Variants in NPAS3 observed in about 807,000 individuals in gnomAD.
NPAS3 encodes neuronal PAS domain-containing protein 3.
A neutral mutation model predicts 73.1 loss-of-function variants in NPAS3; 14 were observed. The observed-to-expected ratio is 0.19, with a 90% CI of 0.13 to 0.30. The LOEUF (loss-of-function observed/expected upper bound fraction) is 0.30. Among genes scored for constraint, NPAS3 ranks in the 10% least tolerant of loss-of-function variants. NPAS3 has a pLI of 1.00. For synonymous variants in NPAS3, 620 were observed against 541.5 expected, an observed-to-expected ratio of 1.14 and a Z score of -2.01; for missense variants, 1,096 against 1,250.0, an observed-to-expected ratio of 0.88 and a Z score of 1.86.
chr14:33,047,388 G>A (rs998843896), intron 1 of NPAS3, among the ~76,000 whole-genome samples: 2 of 152,084 alleles, frequency 1.3e-5, no homozygotes, highest in Non-Finnish European at 2.9e-5. Context: ...TCCTCCTCAG[G>A]ACAGGAGCTG....
In NPAS3 at chr14:33,659,348, T is replaced by C. The variant is rs749336608; in HGVS notation, c.559-16863T>C. Among the ~76,000 whole-genome samples, 27 of 152,070 alleles carry C rather than the reference T, an allele frequency of 1.8e-4. 1 individual carries two copies. Among genetic ancestry groups the C allele is most frequent in the Non-Finnish European group, 3.2e-4 (22 of 68,014 alleles). On this transcript the variant is annotated intron_variant, in intron 5 of 11. Coordinates refer to ENST00000356141, the Ensembl canonical transcript of NPAS3. ...ATTCCCAAGCCATTTGCCTCTAGAG[T>C]CTACGTTAATGACCAGTGCCTTCTA...
At chr14:33,418,103 CA>C (rs1387703540) in intron 4 of NPAS3, among the ~76,000 whole-genome samples, 1 of 151,460 alleles carries the variant, frequency 6.6e-6, no homozygotes, top group Non-Finnish European at 1.5e-5. Flanking sequence ...TAAGATGAAC[CA>C]AGGAAGCTGA....
chr14:32,951,795 A>G lies in NPAS3; in HGVS notation c.50+12429A>G, dbSNP rs556254799. On this transcript the variant is annotated intron_variant, in intron 1 of 11. Transcript: ENST00000356141. Reference sequence around the variant, plus strand: ...AATAAATTTCTGTAGTGAGATAGTTACCCAAACTACAACAGTTATTTATTT... The same window carrying G: ...AATAAATTTCTGTAGTGAGATAGTTGCCCAAACTACAACAGTTATTTATTT... Among the ~76,000 whole-genome samples the G allele has an allele frequency of 8.5e-4, 130 of 152,232 alleles. 1 individual carries two copies. The highest frequency in any genetic ancestry group is 2.9e-3 in the African/African-American group (122 of 41,570).
intron 5 of NPAS3, among the ~76,000 whole-genome samples, chr14:33,591,652 G>A (rs1048320800): frequency 6.6e-6 from 1 of 152,146 alleles, no homozygotes; most frequent in African/African-American, 2.4e-5. Flanking sequence ...GAAACCATGT[G>A]TAGGAAATTT....
chr14:33,440,589 G>A (rs17579923), intron 4 of NPAS3, among the ~76,000 whole-genome samples: 12,393 of 152,136 alleles, frequency 0.081, 606 homozygotes, highest in Non-Finnish European at 0.1. Flanking sequence ...ACTCCAAGGG[G>A]ACAGGAAATA....
intron 1 of NPAS3, among the ~76,000 whole-genome samples, chr14:33,009,473 G>C (rs997722243): frequency 6.6e-6 from 1 of 152,150 alleles, no homozygotes; most frequent in African/African-American, 2.4e-5. Flanking sequence ...GTGAGGCAGA[G>C]AGCATCTTTA....
chr14:33,270,862 C>T (rs2041043291), intron 3 of NPAS3, among the ~76,000 whole-genome samples: 3 of 152,132 alleles, frequency 2.0e-5, no homozygotes, highest in Admixed American at 2.0e-4. Context: ...GGATGGATGG[C>T]AGGCAGAAGA....
chr14:33,445,183 C>T (rs976814550), intron 4 of NPAS3, among the ~76,000 whole-genome samples: 3 of 152,188 alleles, frequency 2.0e-5, no homozygotes, highest in South Asian at 2.1e-4. Flanking sequence ...TGAGTCACAT[C>T]GCTCTGAGTT....
intron 4 of NPAS3, among the ~76,000 whole-genome samples, chr14:33,383,239 T>C (rs1200425676): frequency 2.0e-5 from 3 of 152,214 alleles, no homozygotes; most frequent in East Asian, 3.8e-4. Flanking sequence ...TGTCATGTCT[T>C]GTTCATCTTC....
At chr14:33,789,964 T>C (rs2063309032) in intron 9 of NPAS3, among the ~76,000 whole-genome samples, 1 of 152,142 alleles carries the variant, frequency 6.6e-6, no homozygotes, top group Admixed American at 6.5e-5. Flanking sequence ...ACACACAGGT[T>C]GCTCAGCCCA....
At chr14:32,936,784 T>G (rs1200327819), upstream of NPAS3, among the ~76,000 whole-genome samples, 1 of 152,166 alleles carries the variant, frequency 6.6e-6, no homozygotes, top group Non-Finnish European at 1.5e-5. Flanking sequence ...CAGAGAGAAT[T>G]TTCCCTCAAG....
At chr14:33,647,965 A>C (rs184224556) in intron 5 of NPAS3, among the ~76,000 whole-genome samples, 81 of 152,256 alleles carry the variant, frequency 5.3e-4, no homozygotes, top group Non-Finnish European at 1.0e-3. Flanking sequence ...CTTCATAACA[A>C]AGATGGATTT....
At position 33,674,381 on chromosome 14, in the gene NPAS3, CGA is replaced by C. The variant is rs1335329302; in HGVS notation, c.559-1826_559-1825del. Among the ~76,000 whole-genome samples the C allele has an allele frequency of 7.2e-5, 11 of 152,280 alleles. No homozygotes were observed. The East Asian group carries it at 1.2e-3, about 16-fold the overall frequency. On this transcript the variant is annotated intron_variant, in intron 5 of 11. Transcript: ENST00000356141. ...TGCTACAATTGGACTCCATGCAAAA[CGA>C]GAGTGACTTCCTCATATTCACTAAT...
At chr14:33,183,411 G>A (rs1401058059) in intron 2 of NPAS3, among the ~76,000 whole-genome samples, 1 of 134,348 alleles carries the variant, frequency 7.4e-6, no homozygotes, top group African/African-American at 2.8e-5. Context: ...GGGCGACAGA[G>A]TGAGACTCTG....
At chr14:33,114,885 A>T (rs910167803) in intron 2 of NPAS3, among the ~76,000 whole-genome samples, 1 of 152,204 alleles carries the variant, frequency 6.6e-6, no homozygotes, top group Non-Finnish European at 1.5e-5. Flanking sequence ...CAATGCTGTA[A>T]TTAAAAGATG....
intron 4 of NPAS3, 110 bp downstream of exon 4, chr14:33,367,378 T>G (rs2045892058): frequency 3.6e-6 from 2 of 558,176 alleles, no homozygotes; most frequent in South Asian, 5.6e-5. Context: ...ATTTGACTGT[T>G]GTGATTTTAT....
At chr14:33,629,585 T>G (rs1323699735) in intron 5 of NPAS3, among the ~76,000 whole-genome samples, 1 of 151,288 alleles carries the variant, frequency 6.6e-6, no homozygotes, top group Non-Finnish European at 1.5e-5. Flanking sequence ...TTTTTTTTTT[T>G]AACACATTCC....
chr14:33,461,853 C>T (rs1447461069), intron 4 of NPAS3, among the ~76,000 whole-genome samples: 2 of 152,186 alleles, frequency 1.3e-5, no homozygotes, highest in Non-Finnish European at 2.9e-5. Context: ...ATGAATTGGC[C>T]TGCCTGACAC....
intron 1 of NPAS3, among the ~76,000 whole-genome samples, chr14:32,983,971 C>T (rs556876334): frequency 6.6e-6 from 1 of 152,196 alleles, no homozygotes; most frequent in Non-Finnish European, 1.5e-5. Flanking sequence ...ATCTGCCCAC[C>T]TTGGCCTCCC....
Sources: allele counts gnomAD v4.1 joint callset (sites outside exome capture counted in the v4.1 genomes callset), GRCh38; gene constraint gnomAD v4.1.1; transcripts MANE v1.5; gene names NCBI Gene and HGNC (gene_info 2026-07-23, HGNC 2026-07-21).